Variants in BMP6 observed in about 807,000 individuals in gnomAD.
BMP6 encodes VG-1-R.
BMP6 carries 17 observed loss-of-function variants against 54.1 expected under a neutral mutation model. The observed-to-expected ratio is 0.31, with a 90% CI of 0.22 to 0.47. The LOEUF (loss-of-function observed/expected upper bound fraction) is 0.47, where lower values mean the gene tolerates loss of function less well. Ranked by LOEUF, BMP6 falls within the 20% of genes least tolerant of loss-of-function variation. BMP6 has a pLI of 1.00. For missense variants in BMP6, 720 were observed against 690.4 expected, an observed-to-expected ratio of 1.04 and a Z score of -0.48; for synonymous variants, 328 against 291.2, an observed-to-expected ratio of 1.13 and a Z score of -1.28.
intron 1 of BMP6, among the ~76,000 whole-genome samples, chr6:7,755,951 A>T (rs926868773): frequency 2.0e-5 from 3 of 151,538 alleles, no homozygotes; most frequent in Non-Finnish European, 4.4e-5. Flanking sequence ...GATTTTTAAG[A>T]TTTTCTCTTT....
chr6:7,779,973 G>A (rs1046881538), intron 1 of BMP6, among the ~76,000 whole-genome samples: 12 of 152,106 alleles, frequency 7.9e-5, no homozygotes, highest in African/African-American at 2.9e-4. Flanking sequence ...CCACCTTTGG[G>A]AAACCAATTT....
intron 1 of BMP6, among the ~76,000 whole-genome samples, chr6:7,832,238 A>G (rs1263299909): frequency 1.3e-5 from 2 of 152,200 alleles, no homozygotes; most frequent in Non-Finnish European, 2.9e-5. Context: ...ACTGCAATAG[A>G]CCGAATGTTT....
chr6:7,814,173 A>T (rs1758488546), intron 1 of BMP6, among the ~76,000 whole-genome samples: 1 of 152,228 alleles, frequency 6.6e-6, no homozygotes, highest in South Asian at 2.1e-4. Flanking sequence ...GTGCTTTTAA[A>T]GAGCTGCTGA....
At chr6:7,859,205 G>A (rs1402443200) in intron 2 of BMP6, among the ~76,000 whole-genome samples, 1 of 152,008 alleles carries the variant, frequency 6.6e-6, no homozygotes, top group Non-Finnish European at 1.5e-5. Context: ...CTTGGATGAT[G>A]TGCGTCTGCC....
intron 4 of BMP6, among the ~76,000 whole-genome samples, chr6:7,872,164 A>G (rs920382237): frequency 3.3e-5 from 5 of 152,262 alleles, no homozygotes; most frequent in African/African-American, 1.2e-4. Flanking sequence ...TGGAGTGACC[A>G]TGTTCCTGTT....
At chr6:7,741,441 G>A (rs373500851) in intron 1 of BMP6, among the ~76,000 whole-genome samples, 3 of 150,838 alleles carry the variant, frequency 2.0e-5, no homozygotes, top group South Asian at 2.1e-4. Flanking sequence ...ACTACTAGGC[G>A]TGTACCACCA....
Position 7,731,311 on chromosome 6 carries a change from G to A in BMP6, c.664+3692G>A, listed in dbSNP as rs139562706. Among the ~76,000 whole-genome samples, 1,021 of 152,240 alleles carry A rather than the reference G, an allele frequency of 6.7e-3. 9 individuals carry two copies. The highest frequency in any genetic ancestry group is 0.023 in the African/African-American group (961 of 41,524). ...CTGCCAATTTGGTGACCTTGGAGAG[G>A]TATCCTTCAGGTCTTAGCTTAAAAT... is the stretch of plus-strand genomic sequence containing the variant. On this transcript the variant is annotated intron_variant, in intron 1 of 6. Transcript: ENST00000283147.
intron 1 of BMP6, among the ~76,000 whole-genome samples, chr6:7,779,197 ATCCAGTACGTTATTGAAG>A (rs1399814136): frequency 1.3e-5 from 2 of 152,218 alleles, no homozygotes; most frequent in African/African-American, 4.8e-5. Context: ...TGCCCAAGAA[ATCCAGTACGTTATTGAAG>A]TGTCCCCAGT....
chr6:7,825,519 G>A (rs552780284), intron 1 of BMP6, among the ~76,000 whole-genome samples: 63 of 152,140 alleles, frequency 4.1e-4, no homozygotes, highest in Middle Eastern at 6.8e-3. Flanking sequence ...TCAGGAATTC[G>A]AGACCAGCCT....
At chr6:7,818,000 A>G (rs1402311524) in intron 1 of BMP6, among the ~76,000 whole-genome samples, 1 of 152,206 alleles carries the variant, frequency 6.6e-6, no homozygotes, top group Non-Finnish European at 1.5e-5. Flanking sequence ...CAGGTCACAC[A>G]TTTTTTAAAA....
intron 1 of BMP6, among the ~76,000 whole-genome samples, chr6:7,746,123 G>A (rs1169477301): frequency 6.6e-6 from 1 of 152,160 alleles, no homozygotes; most frequent in Non-Finnish European, 1.5e-5. Context: ...ATGCATCAGG[G>A]GCAGTGTTGA....
At chr6:7,791,011 C>A (rs1758096155) in intron 1 of BMP6, among the ~76,000 whole-genome samples, 1 of 152,234 alleles carries the variant, frequency 6.6e-6, no homozygotes, top group South Asian at 2.1e-4. Flanking sequence ...GGCCCCTTCA[C>A]CCTAAAGCAC....
At chr6:7,836,407 G>C (rs1422394811) in intron 1 of BMP6, among the ~76,000 whole-genome samples, 1 of 152,192 alleles carries the variant, frequency 6.6e-6, no homozygotes, top group African/African-American at 2.4e-5. Context: ...CTATACATGT[G>C]ATAAGGGGTC....
intron 1 of BMP6, among the ~76,000 whole-genome samples, chr6:7,731,398 C>T (rs566708136): frequency 6.6e-6 from 1 of 152,364 alleles, no homozygotes; most frequent in South Asian, 2.1e-4. Flanking sequence ...ATCCCACCCA[C>T]TTCTGTACCA....
Position 7,870,311 on chromosome 6 carries a change from G to A in BMP6, c.1204+7813G>A, listed in dbSNP as rs115774767. On this transcript the variant is annotated intron_variant, in intron 4 of 6. Coordinates refer to ENST00000283147, the MANE Select transcript of BMP6 (RefSeq NM_001718.6). Reference sequence around the variant, plus strand: ...ATGGCAGGCACTTCCACATGGTCCCGCCATCGGGAATGGATGGGACACTTC... The same window carrying A: ...ATGGCAGGCACTTCCACATGGTCCCACCATCGGGAATGGATGGGACACTTC... Among the ~76,000 whole-genome samples the A allele has an allele frequency of 6.3e-3, 961 of 152,318 alleles. 5 individuals are homozygous for A. Among genetic ancestry groups the A allele is most frequent in the Non-Finnish European group, 9.9e-3 (672 of 68,026 alleles).
At chr6:7,802,628 C>T (rs1758285992) in intron 1 of BMP6, among the ~76,000 whole-genome samples, 1 of 152,158 alleles carries the variant, frequency 6.6e-6, no homozygotes, top group Admixed American at 6.5e-5. Flanking sequence ...AGGGCAGTCA[C>T]TTGATGAGGA....
Position 7,880,017 on chromosome 6 carries a change from T to C in BMP6, c.1308T>C (p.Tyr436=). Residue 436 remains tyrosine, a synonymous_variant, in exon 6 of 7, where the codon TAT becomes TAC. Transcript: ENST00000283147. ...WQDWIIAPKG[Y]AANYCDGECS... is the part of the protein sequence containing the mutation. ...ACTGGATCATTGCACCCAAGGGCTA[T>C]GCTGCCAATTACTGTGATGGAGAAT... The C allele has an allele frequency of 3.7e-6, 6 of 1,614,252 alleles. No homozygotes were observed. Among genetic ancestry groups the C allele is most frequent in the Non-Finnish European group, 5.1e-6 (6 of 1,180,044 alleles).
rs369043264 is a variant in BMP6 at position 7,813,669 on chromosome 6, ACC to A, written c.665-31469_665-31468del. 6.1e-4 allele frequency among the ~76,000 whole-genome samples: 16 copies of A among 26,026 alleles called. 5 individuals are homozygous for A. Among genetic ancestry groups the A allele is most frequent in the Admixed American group, 9.8e-4 (2 of 2,044 alleles). 17.1% of individuals were successfully genotyped at this position (26,026 alleles called of 152,430 possible). ...AAAAAAAAAAAAAAAAAAAAAAAAA[ACC>A]CACCAAACCCAGTATAGAAAATATA... On this transcript the variant is annotated intron_variant, in intron 1 of 6. Coordinates refer to ENST00000283147, the MANE Select transcript of BMP6 (RefSeq NM_001718.6).
At chr6:7,745,353 G>A (rs1349345474) in intron 1 of BMP6, among the ~76,000 whole-genome samples, 22 of 152,064 alleles carry the variant, frequency 1.4e-4, no homozygotes, top group Admixed American at 1.3e-3. Context: ...GGCTCAAGGC[G>A]GCCTCAAACT....
Sources: gnomAD v4.1 joint callset for allele counts (sites outside exome capture counted in the v4.1 genomes callset) on GRCh38, gnomAD v4.1.1 for gene constraint, MANE v1.5 for transcripts, NCBI Gene and HGNC (gene_info 2026-07-23, HGNC 2026-07-21) for gene names.